The following PKHD1L1 variants were observed in gnomAD, a reference collection of about 807,000 sequenced individuals.
PKHD1L1 encodes fibrocystin-L.
A neutral mutation model predicts 462.9 loss-of-function variants in PKHD1L1; 434 were observed. That is an observed-to-expected ratio of 0.94 (90% confidence interval 0.87 to 1.02). The LOEUF is 1.02. Ranked by LOEUF, PKHD1L1 falls within the 50% of genes least tolerant of loss-of-function variation. The pLI, the probability that PKHD1L1 is intolerant of heterozygous loss-of-function variation, is 0.00. For synonymous variants in PKHD1L1, 1,781 were observed against 1,750.0 expected, an observed-to-expected ratio of 1.02 and a Z score of -0.44; for missense variants, 5,202 against 5,096.1, an observed-to-expected ratio of 1.02 and a Z score of -0.63.
At chr8:109,407,381 A>T (rs1813613750) in intron 17 of PKHD1L1, among the ~76,000 whole-genome samples, 3 of 152,198 alleles carry the variant, frequency 2.0e-5, no homozygotes, top group Admixed American at 2.0e-4. Flanking sequence ...CATCAGAGAG[A>T]AATTTTAAGG....
chr8:109,374,603 C>T (rs1811705380), intron 2 of PKHD1L1, among the ~76,000 whole-genome samples: 1 of 152,184 alleles, frequency 6.6e-6, no homozygotes, highest in Non-Finnish European at 1.5e-5. Context: ...CCTTGATGGT[C>T]TTTACAATTT....
chr8:109,401,726 A>G (rs1325401768), intron 14 of PKHD1L1, 138 bp downstream of exon 14: 2 of 514,726 alleles, frequency 3.9e-6, no homozygotes, highest in Non-Finnish European at 6.8e-6. Flanking sequence ...GTCATTCTCT[A>G]TAATTTTATT....
At chr8:109,448,536 G>C (rs969725357) in intron 39 of PKHD1L1, 145 bp downstream of exon 39, 7 of 1,020,602 alleles carry the variant, frequency 6.9e-6, no homozygotes, top group Non-Finnish European at 8.1e-6. Context: ...TTTTGAGACA[G>C]AGTCTCGCTC....
chr8:109,457,623 T>C (rs866235876), intron 46 of PKHD1L1, among the ~76,000 whole-genome samples: 1 of 152,140 alleles, frequency 6.6e-6, no homozygotes, highest in Non-Finnish European at 1.5e-5. Context: ...AGTTATATTA[T>C]TTTACTTCTC....
Position 109,400,207 on chromosome 8 carries a change from C to A in PKHD1L1, c.1144C>A (p.Leu382Ile), listed in dbSNP as rs1413766104. The A allele has an allele frequency of 6.2e-7, 1 of 1,613,608 alleles. No homozygotes were observed. The highest frequency in any genetic ancestry group is 8.5e-7 in the Non-Finnish European group (1 of 1,179,664). ...SWVDSASYIW[L>I]MEQDTFVARF... is the part of the protein sequence containing the mutation. ...GGTAGATTCAGCTTCCTATATTTGG[C>A]TCATGGAACAAGACACATTTGTTGC... The change falls in exon 13 of 78, where the codon CTC (leucine) becomes ATC (isoleucine). Residue 382 changes from leucine (L) to isoleucine (I), a missense_variant. Coordinates refer to ENST00000378402, the MANE Select transcript of PKHD1L1 (RefSeq NM_177531.6).
At chr8:109,519,736 T>G (rs111742076) in intron 73 of PKHD1L1, among the ~76,000 whole-genome samples, 2,997 of 152,256 alleles carry the variant, frequency 0.02, 91 homozygotes, top group African/African-American at 0.061. Flanking sequence ...GGAGAGGTCC[T>G]CATAATGTGG....
At chr8:109,372,346 A>G (rs926996200) in intron 2 of PKHD1L1, among the ~76,000 whole-genome samples, 1 of 152,170 alleles carries the variant, frequency 6.6e-6, no homozygotes, top group African/African-American at 2.4e-5. Flanking sequence ...ATTTTTGCAC[A>G]TTGATTTTGT....
At chr8:109,375,956 A>G (rs1811798939) in intron 2 of PKHD1L1, among the ~76,000 whole-genome samples, 1 of 152,202 alleles carries the variant, frequency 6.6e-6, no homozygotes, top group Admixed American at 6.5e-5. Flanking sequence ...TCATGGACCC[A>G]CTTGAGGAGG....
chr8:109,522,976 G>A (rs1820628008), intron 75 of PKHD1L1, 86 bp downstream of exon 75: 1 of 1,359,406 alleles, frequency 7.4e-7, no homozygotes, highest in Non-Finnish European at 9.8e-7. Flanking sequence ...ATCCTGGTGT[G>A]CTGGCAGCCT....
Position 109,413,435 on chromosome 8 carries a change from C to G in PKHD1L1, c.2250C>G (p.Tyr750Ter). 2 of 1,547,576 alleles carry G rather than the reference C, an allele frequency of 1.3e-6. No homozygotes were observed. The highest frequency in any genetic ancestry group is 1.8e-6 in the Non-Finnish European group (2 of 1,137,164). ...TTTTTATGTAGTTATGTTTAGCATA[C>G]AAAGGATTCCTGGCAAATTATATTG... The part of the protein sequence containing the change: ...LFPYNQLCLA[Y>*]KGFLANYIGL... The change falls in exon 21 of 78, where the codon TAC (tyrosine) becomes TAG (stop). Residue 750 changes from tyrosine to a stop codon, truncating the protein, a stop_gained. Transcript: ENST00000378402. LOFTEE classifies it high-confidence loss of function.
intron 2 of PKHD1L1, among the ~76,000 whole-genome samples, chr8:109,371,162 C>T (rs1407571654): frequency 4.6e-5 from 7 of 152,162 alleles, no homozygotes. Context: ...CTCTCCAGCA[C>T]CTGTTGTTTC....
chr8:109,507,419 C>T (rs1156268141), intron 68 of PKHD1L1, among the ~76,000 whole-genome samples: 1 of 152,028 alleles, frequency 6.6e-6, no homozygotes, highest in African/African-American at 2.4e-5. Flanking sequence ...GATTTTATAT[C>T]CCACAGGTAT....
At chr8:109,474,647 A>G (rs1350504594) in intron 50 of PKHD1L1, among the ~76,000 whole-genome samples, 1 of 152,168 alleles carries the variant, frequency 6.6e-6, no homozygotes, top group Non-Finnish European at 1.5e-5. Context: ...ACTCTAATAA[A>G]GAATCAGAGC....
chr8:109,490,532 T>C (rs549885802), intron 60 of PKHD1L1, among the ~76,000 whole-genome samples: 8 of 151,912 alleles, frequency 5.3e-5, no homozygotes, highest in South Asian at 2.1e-4. Flanking sequence ...TAGGTTTAAA[T>C]TGAAACCCCT....
intron 61 of PKHD1L1, 71 bp from the exon 62 acceptor site, chr8:109,491,802 C>T (rs868683464): frequency 2.2e-6 from 3 of 1,354,056 alleles, no homozygotes; most frequent in Admixed American, 2.3e-5. Flanking sequence ...AAAGACATTA[C>T]TCCTAATAGT....
chr8:109,518,884 A>C (rs925487520), intron 73 of PKHD1L1, among the ~76,000 whole-genome samples: 1 of 152,034 alleles, frequency 6.6e-6, no homozygotes, highest in Non-Finnish European at 1.5e-5. Context: ...TGTTGGTGAG[A>C]GTTTGGTGCA....
intron 50 of PKHD1L1, chr8:109,470,429 G>T: frequency 1.8e-5 from 29 of 1,597,850 alleles, no homozygotes; most frequent in Non-Finnish European, 2.5e-5. Flanking sequence ...GATAAGAAAG[G>T]CAAATCAAAA....
Position 109,443,675 on chromosome 8 carries a change from G to A in PKHD1L1, c.4565-1G>A. The A allele has an allele frequency of 1.2e-6, 2 of 1,609,116 alleles. No individual in the cohort carries two copies. Among genetic ancestry groups the A allele is most frequent in the Non-Finnish European group, 1.7e-6 (2 of 1,177,856 alleles). On this transcript the variant is annotated splice_acceptor_variant, in intron 36 of 77. Transcript: ENST00000378402. LOFTEE classifies it high-confidence loss of function. ...TTAACGGGCAGTTCTTTTGTCTAAAGGAGGACCTGAGAATTTGCACTTGGG... is the reference window on the plus strand; with the variant it reads ...TTAACGGGCAGTTCTTTTGTCTAAAAGAGGACCTGAGAATTTGCACTTGGG...
intron 9 of PKHD1L1, among the ~76,000 whole-genome samples, chr8:109,393,898 C>T (rs1427639947): frequency 6.6e-6 from 1 of 151,966 alleles, no homozygotes; most frequent in Non-Finnish European, 1.5e-5. Context: ...ACTGTAGGGC[C>T]GGGCGCGGTG....
Sources: gnomAD v4.1 joint callset for allele counts (sites outside exome capture counted in the v4.1 genomes callset) on GRCh38, gnomAD v4.1.1 for gene constraint, MANE v1.5 for transcripts, NCBI Gene and HGNC (gene_info 2026-07-23, HGNC 2026-07-21) for gene names.